The following LRTM1 variants were observed in gnomAD, a reference collection of about 807,000 sequenced individuals.
LRTM1 encodes the protein leucine rich repeat transmembrane protein 1, also known as leucine-rich repeat and transmembrane domain-containing protein 1.
In LRTM1, 38 loss-of-function variants were observed where a neutral mutation model predicts 32.4. The observed-to-expected ratio is 1.17, with a 90% CI of 0.91 to 1.54. The LOEUF (loss-of-function observed/expected upper bound fraction) is 1.54, where lower values mean the gene tolerates loss of function less well. Ranked by LOEUF, LRTM1 falls within the 40% of genes most tolerant of loss-of-function variation. The pLI is 0.00. For missense variants in LRTM1, 466 were observed against 415.4 expected, an observed-to-expected ratio of 1.12 and a Z score of -1.06; for synonymous variants, 186 against 169.9, an observed-to-expected ratio of 1.09 and a Z score of -0.74.
chr3:54,949,518 A>G (rs1701702071), intron 1 of LRTM1, among the ~76,000 whole-genome samples: 1 of 152,172 alleles, frequency 6.6e-6, no homozygotes, highest in Non-Finnish European at 1.5e-5. Context: ...GTTGGGTTCA[A>G]TGGCCCACTC....
At chr3:54,922,715 C>T (rs1344307930) in intron 2 of LRTM1, among the ~76,000 whole-genome samples, 1 of 152,050 alleles carries the variant, frequency 6.6e-6, no homozygotes, top group Non-Finnish European at 1.5e-5. Flanking sequence ...CTTAAATATA[C>T]AACCTCCAAC....
At position 54,918,321 on chromosome 3, in the gene LRTM1, C is replaced by CTTTTTTTT. The variant is rs60257399; in HGVS notation, c.*130_*137dup. 2.8e-5 allele frequency: 11 copies of CTTTTTTTT among 394,440 alleles called. 1 individual carries two copies. Among genetic ancestry groups the CTTTTTTTT allele is most frequent in the African/African-American group, 1.5e-4 (5 of 34,102 alleles). 24.4% of individuals were successfully genotyped at this position (394,440 alleles called of 1,614,324 possible). Reference sequence around the variant, plus strand: ...CCAGAAATATTTTTTACAGACACATCTTTTTTTTTTCTTTTTTTTTTTTTT... The same window carrying CTTTTTTTT: ...CCAGAAATATTTTTTACAGACACATCTTTTTTTTTTTTTTTTTTCTTTTTTTTTTTTTT... On this transcript the variant is annotated 3_prime_UTR_variant, in exon 3 of 3. Coordinates refer to ENST00000273286, the MANE Select transcript of LRTM1 (RefSeq NM_020678.4).
intron 1 of LRTM1, among the ~76,000 whole-genome samples, chr3:54,949,753 G>A (rs1019448032): frequency 6.6e-6 from 1 of 152,238 alleles, no homozygotes; most frequent in Admixed American, 6.5e-5. Flanking sequence ...AGAAGTGACT[G>A]TGGTCTCTGC....
intron 1 of LRTM1, among the ~76,000 whole-genome samples, chr3:54,965,132 C>G (rs1283105264): frequency 6.6e-6 from 1 of 152,204 alleles, no homozygotes; most frequent in African/African-American, 2.4e-5. Context: ...CTACTCAGCT[C>G]TGCTATTGGA....
At chr3:54,936,515 C>T (rs988157242) in intron 1 of LRTM1, among the ~76,000 whole-genome samples, 2 of 152,162 alleles carry the variant, frequency 1.3e-5, no homozygotes, top group East Asian at 3.8e-4. Flanking sequence ...AAAATAAAGG[C>T]CCTGCCTTGA....
chr3:54,942,900 T>G (rs1049562922), intron 1 of LRTM1, among the ~76,000 whole-genome samples: 1 of 152,144 alleles, frequency 6.6e-6, no homozygotes, highest in African/African-American at 2.4e-5. Context: ...GGCACGTGCC[T>G]GTAGTCCCAG....
At chr3:54,952,536 G>A (rs1030684873) in intron 1 of LRTM1, among the ~76,000 whole-genome samples, 1 of 152,230 alleles carries the variant, frequency 6.6e-6, no homozygotes, top group Non-Finnish European at 1.5e-5. Context: ...ATATTAAGCA[G>A]ACGGAATGTC....
upstream of LRTM1, among the ~76,000 whole-genome samples, chr3:54,931,800 A>G (rs527985686): frequency 1.3e-5 from 2 of 152,352 alleles, no homozygotes; most frequent in South Asian, 2.1e-4. Context: ...TGAAAAATCA[A>G]TGATTATTAA....
chr3:54,932,324 A>G (rs1370276494), upstream of LRTM1, among the ~76,000 whole-genome samples: 1 of 152,202 alleles, frequency 6.6e-6, no homozygotes, highest in Non-Finnish European at 1.5e-5. Flanking sequence ...AAAAAGTGTT[A>G]GAGATGGAGG....
At chr3:54,931,129 C>G (rs902257569), upstream of LRTM1, among the ~76,000 whole-genome samples, 1 of 152,162 alleles carries the variant, frequency 6.6e-6, no homozygotes, top group Non-Finnish European at 1.5e-5. Flanking sequence ...GCATCTCTTA[C>G]TAGCAGCATG....
At chr3:54,941,049 T>A (rs1274233728) in intron 1 of LRTM1, among the ~76,000 whole-genome samples, 1 of 152,238 alleles carries the variant, frequency 6.6e-6, no homozygotes, top group East Asian at 1.9e-4. Context: ...TTTTCTCCAG[T>A]GATTAAAGCA....
chr3:54,928,880 C>A (rs770460991), upstream of LRTM1, among the ~76,000 whole-genome samples: 13 of 152,182 alleles, frequency 8.5e-5, no homozygotes, highest in Admixed American at 2.0e-4. Context: ...GACTGTGACT[C>A]TTCTCTAATT....
At chr3:54,954,554 T>C (rs1701834438) in intron 1 of LRTM1, among the ~76,000 whole-genome samples, 1 of 152,176 alleles carries the variant, frequency 6.6e-6, no homozygotes, top group South Asian at 2.1e-4. Context: ...TCCCTTTGAT[T>C]CTCTTCCCTT....
intron 1 of LRTM1, among the ~76,000 whole-genome samples, chr3:54,946,355 C>A (rs1244078802): frequency 6.6e-6 from 1 of 152,208 alleles, no homozygotes; most frequent in Non-Finnish European, 1.5e-5. Flanking sequence ...TGCATAATAT[C>A]TGTATGCCTT....
At chr3:54,941,017 A>G (rs185480300) in intron 1 of LRTM1, among the ~76,000 whole-genome samples, 2 of 145,548 alleles carry the variant, frequency 1.4e-5, no homozygotes, top group East Asian at 2.0e-4. Flanking sequence ...AAAACTTGAT[A>G]AGGCAATCCT....
chr3:54,941,466 G>A (rs143274260), intron 1 of LRTM1, among the ~76,000 whole-genome samples: 1,563 of 152,222 alleles, frequency 0.01, 35 homozygotes, highest in African/African-American at 0.035. Context: ...TAAGACTCCA[G>A]TTTCATCTGT....
chr3:54,961,877 T>C (rs1702036518), intron 1 of LRTM1, among the ~76,000 whole-genome samples: 1 of 152,048 alleles, frequency 6.6e-6, no homozygotes, highest in African/African-American at 2.4e-5. Context: ...TAAAGCCTCT[T>C]CTCAGAGGCT....
intron 1 of LRTM1, among the ~76,000 whole-genome samples, chr3:54,964,180 A>G (rs554344809): frequency 1.2e-4 from 18 of 152,266 alleles, no homozygotes; most frequent in African/African-American, 3.4e-4. Flanking sequence ...GAAGGATCCT[A>G]TGGGATAATA....
At chr3:54,932,397 C>A (rs1472289450), upstream of LRTM1, among the ~76,000 whole-genome samples, 1 of 151,956 alleles carries the variant, frequency 6.6e-6, no homozygotes, top group African/African-American at 2.4e-5. Flanking sequence ...AGGTCAGTCA[C>A]CAAACTGATA....
Sources: allele counts gnomAD v4.1 joint callset (sites outside exome capture counted in the v4.1 genomes callset), GRCh38; gene constraint gnomAD v4.1.1; transcripts MANE v1.5; gene names NCBI Gene and HGNC (gene_info 2026-07-23, HGNC 2026-07-21).